VSIG10: variants seen among roughly 807,000 people sequenced by gnomAD.
VSIG10 encodes the protein V-set and immunoglobulin domain containing 10.
VSIG10 carries 48 observed loss-of-function variants against 58.7 expected under a neutral mutation model. That is an observed-to-expected ratio of 0.82 (90% CI 0.65 to 1.04). The LOEUF (loss-of-function observed/expected upper bound fraction) is 1.04. Ranked by LOEUF, VSIG10 falls within the 50% of genes least tolerant of loss-of-function variation. The probability of loss-of-function intolerance (pLI) is 0.00; values close to 1 mark genes in which losing one functional copy is unlikely to be tolerated. For missense variants in VSIG10, 628 were observed against 670.0 expected, an observed-to-expected ratio of 0.94 and a Z score of 0.69; for synonymous variants, 260 against 267.1, an observed-to-expected ratio of 0.97 and a Z score of 0.26.
At chr12:118,085,172 C>T (rs1036512602) in intron 2 of VSIG10, among the ~76,000 whole-genome samples, 20 of 152,332 alleles carry the variant, frequency 1.3e-4, no homozygotes, top group African/African-American at 3.8e-4. Flanking sequence ...TGTGAGAAGA[C>T]ATAGCGACAC....
At position 118,079,352 on chromosome 12, in the gene VSIG10, G is replaced by T. The variant is rs1421908727; in HGVS notation, c.919C>A (p.Gln307Lys). ...GPESGASCMV[Q>K]IRGPSLLSEP... ...CAAAGCAAAACAGACTCACTGATCT[G>T]CACCATGCAGCTGGCGCCCGACTCT... Residue 307 changes from glutamine to lysine, a missense_variant, in exon 4 of 9, where the codon CAG becomes AAG. Coordinates refer to ENST00000359236, the MANE Select transcript of VSIG10 (RefSeq NM_019086.6). 10 of 1,613,938 alleles carry T rather than the reference G, an allele frequency of 6.2e-6. No individual in the cohort carries two copies. Among genetic ancestry groups the T allele is most frequent in the Non-Finnish European group, 8.5e-6 (10 of 1,179,864 alleles).
intron 2 of VSIG10, among the ~76,000 whole-genome samples, chr12:118,094,619 G>T (rs1457348602): frequency 6.6e-6 from 1 of 151,854 alleles, no homozygotes. Context: ...CCTGACTTTG[G>T]GTGATCTGCC....
chr12:118,098,337 G>A (rs981221740), intron 1 of VSIG10, among the ~76,000 whole-genome samples: 2 of 105,488 alleles, frequency 1.9e-5, no homozygotes, highest in Admixed American at 9.6e-5. Context: ...CTCTCTCTCC[G>A]CCTCTCCCTC....
rs35469920 is a variant in VSIG10, at chr12:118,078,937, TAAAAA to T, written c.925+404_925+408del. On this transcript the variant is annotated intron_variant, in intron 4 of 8. Coordinates refer to ENST00000359236, the MANE Select transcript of VSIG10 (RefSeq NM_019086.6). ...CTGGGCAACAGAGCAAGACTCTGCC[TAAAAA>T]AAAAAAAAAAAAAAAAAAAAAAAAA... 4.2e-3 allele frequency among the ~76,000 whole-genome samples: 168 copies of T among 39,898 alleles called. 3 individuals carry two copies. Among genetic ancestry groups the T allele is most frequent in the African/African-American group, 0.014 (148 of 10,766 alleles). The allele number at this position is 39,898 out of a possible 152,430, so 26.2% of individuals were successfully genotyped here.
Position 118,079,624 on chromosome 12 carries a change from A to T in VSIG10, c.665-18T>A. The T allele has an allele frequency of 6.2e-7, 1 of 1,612,972 alleles. No homozygotes were observed. Among genetic ancestry groups the T allele is most frequent in the Non-Finnish European group, 8.5e-7 (1 of 1,179,412 alleles). ...AGGGGGATCTGCAAAACACCAGAGG[A>T]AAGCATGGGCTGAATCACAGACTCT... is the stretch of plus-strand genomic sequence containing the variant. On this transcript the variant is annotated intron_variant, in intron 3 of 8. Coordinates refer to ENST00000359236, the MANE Select transcript of VSIG10 (RefSeq NM_019086.6).
In VSIG10 at chr12:118,068,506, C is replaced by T. The variant is rs773753373; in HGVS notation, c.1438G>A (p.Glu480Lys). The change falls in exon 8 of 9, where the codon GAA becomes AAA. Residue 480 changes from glutamate to lysine, a missense_variant. Coordinates refer to ENST00000359236, the MANE Select transcript of VSIG10 (RefSeq NM_019086.6). ...TCTCTCTCACGTGCTCCCTCCTGTT[C>T]CCCTACTGCAGCATCTTCCTCCTCC... is the stretch of plus-strand genomic sequence containing the variant. ...EEEEEDAAVGEQEGAREREEL... is the reference protein window; with the variant it reads ...EEEEEDAAVGKQEGAREREEL... The T allele has an allele frequency of 6.2e-7, 1 of 1,610,432 alleles. No individual in the cohort carries two copies. Among genetic ancestry groups the T allele is most frequent in the Non-Finnish European group, 8.5e-7 (1 of 1,179,320 alleles).
In VSIG10 at chr12:118,103,587, C is replaced by T; in HGVS notation, c.79+6G>A. On this transcript the variant is annotated splice_donor_region_variant and intron_variant, in intron 1 of 8. Coordinates refer to ENST00000359236, the MANE Select transcript of VSIG10 (RefSeq NM_019086.6). ...CAACTTTTCCCTCCAGATCGCGGCC[C>T]CTTACCTACGGCGACCCAGCCGGCC... is the stretch of plus-strand genomic sequence containing the variant. The T allele has an allele frequency of 1.3e-6, 2 of 1,521,968 alleles. No individual in the cohort carries two copies. Among genetic ancestry groups the T allele is most frequent in the Non-Finnish European group, 1.8e-6 (2 of 1,140,304 alleles). 94.3% of individuals were successfully genotyped at this position (1,521,968 alleles called of 1,614,324 possible). A position where few individuals can be genotyped will look rare whatever the true frequency, so the allele number is the denominator to read the frequency against.
intron 2 of VSIG10, among the ~76,000 whole-genome samples, chr12:118,091,150 A>T (rs1411062214): frequency 2.6e-5 from 4 of 151,818 alleles, no homozygotes; most frequent in Admixed American, 1.3e-4. Context: ...AACAAACAAC[A>T]ACAAAAAAGT....
chr12:118,094,910 T>A (rs1449818044), intron 2 of VSIG10, among the ~76,000 whole-genome samples: 2 of 147,360 alleles, frequency 1.4e-5, no homozygotes, highest in Non-Finnish European at 3.0e-5. Context: ...CGAATTTTTT[T>A]TTTTTTTTTT....
At position 118,071,339 on chromosome 12, in the gene VSIG10, A is replaced by G. The variant is rs149681399; in HGVS notation, c.1330+20T>C. The G allele has an allele frequency of 2.0e-3, 3,288 of 1,606,314 alleles. 61 individuals are homozygous for G. In the African/African-American group the frequency reaches 0.036, roughly 17 times the overall value. ...TTCAAAAGTCTGGAAGAGAAGCTAAAGGACCCAGGGAGTCCTTACCTTTCC... is the reference window on the plus strand; with the variant it reads ...TTCAAAAGTCTGGAAGAGAAGCTAAGGGACCCAGGGAGTCCTTACCTTTCC... On this transcript the variant is annotated intron_variant, in intron 6 of 8. Coordinates refer to ENST00000359236, the MANE Select transcript of VSIG10 (RefSeq NM_019086.6).
Position 118,079,984 on chromosome 12 carries a change from C to A in VSIG10, c.665-378G>T, listed in dbSNP as rs190019841. Among the ~76,000 whole-genome samples, 472 of 152,280 alleles carry A rather than the reference C, an allele frequency of 3.1e-3. 7 individuals carry two copies. The highest frequency in any genetic ancestry group is 4.3e-3 in the Non-Finnish European group (293 of 68,008). On this transcript the variant is annotated intron_variant, in intron 3 of 8. Transcript: ENST00000359236. ...AAGTAGCTGGGATTACAGGCATGCG[C>A]CACCACGCCCTGCTTATTTTTATAT...
chr12:118,075,786 C>T (rs7488596), intron 4 of VSIG10, among the ~76,000 whole-genome samples: 66,690 of 152,002 alleles, frequency 0.44, 15,034 homozygotes, highest in East Asian at 0.74. Context: ...TGTTATTATG[C>T]CCATTTTGCA....
chr12:118,101,013 T>C (rs1030727051), intron 1 of VSIG10, among the ~76,000 whole-genome samples: 7 of 152,204 alleles, frequency 4.6e-5, no homozygotes, highest in Non-Finnish European at 7.3e-5. Flanking sequence ...AAAGCCGTGG[T>C]GAAACTTTAG....
At position 118,065,953 on chromosome 12, in the gene VSIG10, G is replaced by A. The variant is rs1488402468; in HGVS notation, c.*686C>T. 1 of 152,148 alleles carries A rather than the reference G, an allele frequency of 6.6e-6. No individual in the cohort carries two copies. Among genetic ancestry groups the A allele is most frequent in the Non-Finnish European group, 1.5e-5 (1 of 68,054 alleles). The allele number at this position is 152,148 out of a possible 1,614,324, so 9.4% of individuals were successfully genotyped here. A position where few individuals can be genotyped will look rare whatever the true frequency, so the allele number is the denominator to read the frequency against. On this transcript the variant is annotated 3_prime_UTR_variant, in exon 9 of 9. Coordinates refer to ENST00000359236, the MANE Select transcript of VSIG10 (RefSeq NM_019086.6). ...GAGCAGCTTCCTCATCTATTTTACA[G>A]GTGAGGAAATTGAGGCCAAGAGAGA...
intron 2 of VSIG10, 114 bp from the exon 3 acceptor site, chr12:118,082,543 T>C: frequency 1.9e-6 from 2 of 1,041,712 alleles, no homozygotes; most frequent in Non-Finnish European, 2.7e-6. Flanking sequence ...GTATGGTATC[T>C]ATCTAATACT....
intron 2 of VSIG10, among the ~76,000 whole-genome samples, chr12:118,092,679 G>C (rs558720684): frequency 7.1e-6 from 1 of 141,712 alleles, no homozygotes; most frequent in East Asian, 2.1e-4. Context: ...CTGTCACCCA[G>C]GCTGGAATGC....
intron 1 of VSIG10, 109 bp from the exon 2 acceptor site, chr12:118,095,923 C>CA: frequency 1.3e-6 from 1 of 757,686 alleles, no homozygotes; most frequent in Non-Finnish European, 1.9e-6. Flanking sequence ...GGTATATGTT[C>CA]TTTTTTTTTT....
chr12:118,103,520 G>C, intron 1 of VSIG10, 73 bp downstream of exon 1: 4 of 1,405,526 alleles, frequency 2.8e-6, no homozygotes, highest in Non-Finnish European at 2.8e-6. Context: ...GGAGGGAATT[G>C]GGTCTCTCGC....
At chr12:118,099,035 T>C (rs1186621717) in intron 1 of VSIG10, among the ~76,000 whole-genome samples, 1 of 150,618 alleles carries the variant, frequency 6.6e-6, no homozygotes, top group Non-Finnish European at 1.5e-5. Flanking sequence ...TCATTATACC[T>C]GGCCCAGCAT....
Sources: gnomAD v4.1 joint callset for allele counts (sites outside exome capture counted in the v4.1 genomes callset) on GRCh38, gnomAD v4.1.1 for gene constraint, MANE v1.5 for transcripts, NCBI Gene and HGNC (gene_info 2026-07-23, HGNC 2026-07-21) for gene names.